KCNN2: variants seen among roughly 807,000 people sequenced by gnomAD.
KCNN2 encodes potassium calcium-activated channel subfamily N member 2.
Under a neutral mutation model 55.5 loss-of-function variants are expected in KCNN2, and 24 were observed. The ratio of observed to expected loss-of-function variants is 0.43; its 90% CI spans 0.31 to 0.61. The LOEUF is 0.61. Among genes scored for constraint, KCNN2 ranks in the 20% least tolerant of loss-of-function variants. KCNN2 has a pLI of 0.08. For missense variants in KCNN2, 754 were observed against 853.6 expected (o/e 0.88, Z 1.45); for synonymous variants, 431 against 336.1 (o/e 1.28, Z -3.09).
In KCNN2 at chr5:114,476,294, G is replaced by A. The variant is rs1580897986; in HGVS notation, c.1890+3130G>A. Among the ~76,000 whole-genome samples, 3 of 150,788 alleles carry A rather than the reference G, an allele frequency of 2.0e-5. No homozygotes were observed. In the South Asian group the frequency reaches 6.3e-4, roughly 32 times the overall value. On this transcript the variant is annotated intron_variant, in intron 5 of 7. Coordinates refer to ENST00000673685, the MANE Select transcript of KCNN2 (RefSeq NM_021614.4). ...GCACATATACACCATGGAATACTAT[G>A]CAGCCATAAAAAATGATGAGTTCAT...
chr5:114,174,944 T>C (rs1220195816), intron 1 of KCNN2, among the ~76,000 whole-genome samples: 1 of 152,176 alleles, frequency 6.6e-6, no homozygotes, highest in Non-Finnish European at 1.5e-5. Context: ...AGTTGTGCTG[T>C]GTCCTCCCTT....
Position 114,424,223 on chromosome 5 carries a change from T to A in KCNN2, c.1637+19367T>A, listed in dbSNP as rs115253068. ...ATAAATTCAAAAAACCAAACACTTA[T>A]AACATTTTAATTTGACACTGTTCTT... On this transcript the variant is annotated intron_variant, in intron 3 of 7. Transcript: ENST00000673685. Among the ~76,000 whole-genome samples the A allele has an allele frequency of 6.1e-3, 932 of 152,304 alleles. 11 individuals carry two copies. Among genetic ancestry groups the A allele is most frequent in the African/African-American group, 0.022 (899 of 41,554 alleles).
chr5:114,214,429 A>G (rs2112585385), intron 1 of KCNN2, among the ~76,000 whole-genome samples: 1 of 152,220 alleles, frequency 6.6e-6, no homozygotes, highest in South Asian at 2.1e-4. Flanking sequence ...ATGAAGCTAA[A>G]TTCTGCTCCA....
At chr5:114,430,929 T>A (rs1247955641) in intron 3 of KCNN2, among the ~76,000 whole-genome samples, 1 of 152,164 alleles carries the variant, frequency 6.6e-6, no homozygotes, top group Non-Finnish European at 1.5e-5. Flanking sequence ...TAGCCTTGTA[T>A]GCTCAGAATA....
intron 2 of KCNN2, among the ~76,000 whole-genome samples, chr5:114,354,111 T>C (rs1438908908): frequency 2.6e-5 from 4 of 152,038 alleles, no homozygotes; most frequent in Non-Finnish European, 5.9e-5. Context: ...CTTATTATTA[T>C]GCTTTCTTTT....
intron 1 of KCNN2, among the ~76,000 whole-genome samples, chr5:114,093,974 T>C (rs752822125): frequency 6.6e-6 from 1 of 152,184 alleles, no homozygotes; most frequent in African/African-American, 2.4e-5. Context: ...AAGGAACCAA[T>C]CTATGTATAT....
At chr5:114,420,656 A>G (rs1267169210) in intron 3 of KCNN2, among the ~76,000 whole-genome samples, 1 of 152,250 alleles carries the variant, frequency 6.6e-6, no homozygotes, top group African/African-American at 2.4e-5. Context: ...TAATTTGTCT[A>G]AGATACCAGA....
At chr5:114,312,424 C>CATATATATATATAT (rs1756414912) in intron 2 of KCNN2, among the ~76,000 whole-genome samples, 1 of 60,234 alleles carries the variant, frequency 1.7e-5, no homozygotes, top group African/African-American at 7.6e-5. Flanking sequence ...CACACACACA[C>CATATATATATATAT]ACACACACAC....
At chr5:114,418,658 G>T (rs1759378830) in intron 3 of KCNN2, among the ~76,000 whole-genome samples, 1 of 152,140 alleles carries the variant, frequency 6.6e-6, no homozygotes, top group Non-Finnish European at 1.5e-5. Flanking sequence ...AAGTTTTTGT[G>T]ACTATTTTGA....
chr5:114,368,271 T>C (rs1441148985), intron 2 of KCNN2, among the ~76,000 whole-genome samples: 1 of 152,220 alleles, frequency 6.6e-6, no homozygotes, highest in East Asian at 1.9e-4. Flanking sequence ...TGTAATTATA[T>C]AATAAATAGC....
intron 1 of KCNN2, among the ~76,000 whole-genome samples, chr5:114,067,809 T>A (rs1750482329): frequency 6.6e-6 from 1 of 152,162 alleles, no homozygotes; most frequent in Non-Finnish European, 1.5e-5. Context: ...TGAGAACAAC[T>A]CTCTATATTG....
chr5:114,341,305 T>A (rs1299499997), intron 2 of KCNN2, among the ~76,000 whole-genome samples: 2 of 152,172 alleles, frequency 1.3e-5, no homozygotes, highest in East Asian at 3.8e-4. Flanking sequence ...GATACTAAAT[T>A]CATGGAAGAA....
At chr5:114,264,117 TG>T (rs1021245211) in intron 2 of KCNN2, among the ~76,000 whole-genome samples, 1 of 152,208 alleles carries the variant, frequency 6.6e-6, no homozygotes. Flanking sequence ...GATGGCTTAA[TG>T]ATCAATTCTG....
At chr5:114,378,378 A>G (rs1479635519) in intron 2 of KCNN2, among the ~76,000 whole-genome samples, 1 of 152,194 alleles carries the variant, frequency 6.6e-6, no homozygotes. Context: ...CAAAGGCAAG[A>G]AGAAACATGG....
intron 1 of KCNN2, among the ~76,000 whole-genome samples, chr5:114,155,550 T>C (rs1032793258): frequency 1.3e-5 from 2 of 152,144 alleles, no homozygotes; most frequent in African/African-American, 4.8e-5. Flanking sequence ...CCAGCATCTG[T>C]TATTTTTTGA....
intron 1 of KCNN2, among the ~76,000 whole-genome samples, chr5:114,098,857 C>T (rs1309842176): frequency 6.6e-6 from 1 of 152,020 alleles, no homozygotes; most frequent in East Asian, 1.9e-4. Context: ...TACATAGTTT[C>T]CACAGGGGTG....
At chr5:114,128,824 T>C (rs542241692) in intron 1 of KCNN2, among the ~76,000 whole-genome samples, 3 of 152,310 alleles carry the variant, frequency 2.0e-5, no homozygotes, top group Admixed American at 2.0e-4. Flanking sequence ...TGCATGTTAT[T>C]TGAGCTTAGA....
At chr5:114,450,233 A>G (rs1760613708) in intron 3 of KCNN2, among the ~76,000 whole-genome samples, 1 of 152,238 alleles carries the variant, frequency 6.6e-6, no homozygotes, top group South Asian at 2.1e-4. Flanking sequence ...AGAGCCTGGC[A>G]CACATCAGAC....
intron 1 of KCNN2, among the ~76,000 whole-genome samples, chr5:114,195,269 C>T (rs897950724): frequency 4.7e-5 from 7 of 149,956 alleles, no homozygotes; most frequent in African/African-American, 1.2e-4. Context: ...CTTTGTAAAT[C>T]GATTTGAGTA....
Sources: gnomAD v4.1 joint callset for allele counts (sites outside exome capture counted in the v4.1 genomes callset) on GRCh38, gnomAD v4.1.1 for gene constraint, MANE v1.5 for transcripts, NCBI Gene and HGNC (gene_info 2026-07-23, HGNC 2026-07-21) for gene names.